Variants in CPXM2 observed in about 807,000 individuals in gnomAD.
The protein encoded by CPXM2 is carboxypeptidase X, M14 family member 2, also known as inactive carboxypeptidase-like protein X2.
CPXM2 carries 66 observed loss-of-function variants against 86.1 expected under a neutral mutation model. The observed-to-expected ratio is 0.77, with a 90% CI of 0.63 to 0.94. The LOEUF is 0.94. Among genes scored for constraint, CPXM2 ranks in the 40% least tolerant of loss-of-function variants. The pLI is 0.00. For synonymous variants in CPXM2, 388 were observed against 400.2 expected (o/e 0.97, Z 0.36); for missense variants, 948 against 1,026.3 (o/e 0.92, Z 1.04).
In CPXM2 at chr10:123,854,374, A is replaced by AATATATATATTATATAAAAAT. The variant is rs1491247178; in HGVS notation, c.513+8239_513+8240insATTTTTATATAATATATATAT. 3.6e-3 allele frequency among the ~76,000 whole-genome samples: 303 copies of AATATATATATTATATAAAAAT among 83,074 alleles called. 4 individuals are homozygous for AATATATATATTATATAAAAAT. The Middle Eastern group carries it at 0.039, about 11-fold the overall frequency. The allele number at this position is 83,074 out of a possible 152,430, so 54.5% of individuals were successfully genotyped here. A position where few individuals can be genotyped will look rare whatever the true frequency, so the allele number is the denominator to read the frequency against. Reference sequence around the variant, plus strand: ...TATATATATAAAAATATATATATATAATATATATATAATATATATATTATA... The same window carrying AATATATATATTATATAAAAAT: ...TATATATATAAAAATATATATATATAATATATATATTATATAAAAATATATATATATAATATATATATTATA... On this transcript the variant is annotated intron_variant, in intron 3 of 13. Coordinates refer to ENST00000241305, the MANE Select transcript of CPXM2 (RefSeq NM_198148.3).
intron 2 of CPXM2, among the ~76,000 whole-genome samples, chr10:123,868,828 C>T (rs1241426048): frequency 1.3e-5 from 2 of 152,150 alleles, no homozygotes; most frequent in East Asian, 3.9e-4. Flanking sequence ...TGGCACTTCC[C>T]GCAAATAAGC....
intron 3 of CPXM2, among the ~76,000 whole-genome samples, chr10:123,862,178 A>C (rs1342723302): frequency 6.6e-6 from 1 of 152,170 alleles, no homozygotes; most frequent in Non-Finnish European, 1.5e-5. Flanking sequence ...AACACAATGG[A>C]GGGAGCCACA....
At chr10:123,855,587 G>A (rs554680718) in intron 3 of CPXM2, among the ~76,000 whole-genome samples, 49 of 152,254 alleles carry the variant, frequency 3.2e-4, no homozygotes, top group African/African-American at 1.1e-3. Context: ...GGGGCCAAAA[G>A]GTACAGGGAG....
chr10:123,935,676 T>C (rs1945709083), intron 2 of CPXM2, among the ~76,000 whole-genome samples: 1 of 151,950 alleles, frequency 6.6e-6, no homozygotes, highest in African/African-American at 2.4e-5. Flanking sequence ...GGAAGAAAAA[T>C]AGCCCAGACA....
intron 11 of CPXM2, among the ~76,000 whole-genome samples, chr10:123,759,271 T>G (rs1417205648): frequency 6.6e-6 from 1 of 152,212 alleles, no homozygotes; most frequent in African/African-American, 2.4e-5. Context: ...AGCACAGGTT[T>G]CAGCTTTCCG....
At chr10:123,874,500 C>T (rs79493462) in intron 2 of CPXM2, among the ~76,000 whole-genome samples, 6,150 of 152,246 alleles carry the variant, frequency 0.04, 171 homozygotes, top group East Asian at 0.11. Context: ...GCTTTCATAG[C>T]CAAATGTTTA....
intron 1 of CPXM2, among the ~76,000 whole-genome samples, chr10:123,890,763 C>T (rs1195306494): frequency 2.0e-5 from 3 of 152,164 alleles, no homozygotes; most frequent in East Asian, 1.9e-4. Context: ...CAGGGAGCCC[C>T]CAAGCCGGAG....
intron 2 of CPXM2, among the ~76,000 whole-genome samples, chr10:123,911,578 A>G (rs1564820726): frequency 1.3e-5 from 2 of 151,878 alleles, no homozygotes; most frequent in African/African-American, 4.8e-5. Context: ...TGAAGAGGCC[A>G]TGAACGGAAA....
chr10:123,891,575 C>G lies in CPXM2; in HGVS notation c.85G>C (p.Ala29Pro). 6.5e-7 allele frequency: 1 copy of G among 1,542,082 alleles called. No homozygotes were observed. Among genetic ancestry groups the G allele is most frequent in the Non-Finnish European group, 8.8e-7 (1 of 1,142,794 alleles). ...TLAGVGAQGA[A>P]LEDPDYYGQE... ...CCGTAATAATCAGGGTCCTCGAGGGCTGCGCCCTGGGCTCCGACCCCGGCC... is the reference window on the plus strand; with the variant it reads ...CCGTAATAATCAGGGTCCTCGAGGGGTGCGCCCTGGGCTCCGACCCCGGCC... The change falls in exon 1 of 14, where the codon GCC becomes CCC. Residue 29 changes from alanine (A) to proline (P), a missense_variant. Transcript: ENST00000241305. This position sits in a 1 kb window ranked among gnomAD's most constrained non-coding sequence, Gnocchi z 5.6.
intron 2 of CPXM2, among the ~76,000 whole-genome samples, chr10:123,937,409 T>C (rs1945730677): frequency 6.6e-6 from 1 of 150,850 alleles, no homozygotes; most frequent in Non-Finnish European, 1.5e-5. Flanking sequence ...CCACCCCAAA[T>C]GTCCATCAGC....
chr10:123,904,912 A>ATCTGCATCCTGGGACCTCCCCTC (rs1184917723), intron 2 of CPXM2, among the ~76,000 whole-genome samples: 1 of 131,660 alleles, frequency 7.6e-6, no homozygotes, highest in African/African-American at 3.1e-5. Context: ...GCTCTGCATC[A>ATCTGCATCCTGGGACCTCCCCTC]CACCTGCATC....
Position 123,754,605 on chromosome 10 carries a change from A to T in CPXM2, c.2017+58T>A. 1.1e-6 allele frequency: 1 copy of T among 917,804 alleles called. No homozygotes were observed. The highest frequency in any genetic ancestry group is 1.8e-6 in the Non-Finnish European group (1 of 549,824). 56.9% of individuals were successfully genotyped at this position (917,804 alleles called of 1,614,324 possible). On this transcript the variant is annotated intron_variant, in intron 13 of 13. Coordinates refer to ENST00000241305, the MANE Select transcript of CPXM2 (RefSeq NM_198148.3). The surrounding 1 kb of genome is among the most constrained non-coding windows in gnomAD (Gnocchi z 4.0). The stretch of plus-strand genomic sequence containing the variant: ...ATTTCATGATTGTAACCCAAGTAAA[A>T]TGCCTAAAAAAATGGGTATTTCTTA...
At chr10:123,929,393 C>T (rs545230655) in intron 2 of CPXM2, among the ~76,000 whole-genome samples, 35 of 152,354 alleles carry the variant, frequency 2.3e-4, no homozygotes, top group Admixed American at 4.6e-4. Flanking sequence ...TCCTGGTCAG[C>T]ACCACTGATG....
In CPXM2 at chr10:123,762,042, G is replaced by A. The variant is rs181886504; in HGVS notation, c.1607C>T (p.Thr536Met). ...PYDLVRSPWKTQEHTPTPDDH... is the reference protein window; with the variant it reads ...PYDLVRSPWKMQEHTPTPDDH... ...GTCGGGGGTGGGGGTGTGTTCCTGC[G>A]TCTTCCAGGGGGACCGCACCAGGTC... Residue 536 changes from threonine (T) to methionine (M), a missense_variant, in exon 11 of 14, where the codon ACG becomes ATG. Coordinates refer to ENST00000241305, the MANE Select transcript of CPXM2 (RefSeq NM_198148.3). The A allele has an allele frequency of 6.9e-5, 111 of 1,613,972 alleles. No homozygotes were observed. In the East Asian group the frequency reaches 1.3e-3, roughly 18 times the overall value.
intron 4 of CPXM2, among the ~76,000 whole-genome samples, chr10:123,814,917 C>T (rs1847782233): frequency 2.0e-5 from 3 of 152,094 alleles, no homozygotes; most frequent in South Asian, 4.1e-4. Context: ...CCCAGCTACT[C>T]GGCAGGTTGA....
intron 2 of CPXM2, among the ~76,000 whole-genome samples, chr10:123,877,718 GA>G (rs979796694): frequency 3.1e-4 from 47 of 152,340 alleles, no homozygotes; most frequent in African/African-American, 1.0e-3. Flanking sequence ...GAGAAGAGGT[GA>G]AGAATTAGAA....
chr10:123,907,069 A>G (rs764868755), intron 2 of CPXM2, among the ~76,000 whole-genome samples: 5 of 152,228 alleles, frequency 3.3e-5, no homozygotes, highest in Non-Finnish European at 7.3e-5. Context: ...CTTAGGAAAC[A>G]CGAAGCACGG....
intron 2 of CPXM2, among the ~76,000 whole-genome samples, chr10:123,911,073 T>C (rs1202737365): frequency 6.6e-6 from 1 of 152,216 alleles, no homozygotes; most frequent in Non-Finnish European, 1.5e-5. Flanking sequence ...AAGGACCTCA[T>C]CTTATCTTGA....
chr10:123,931,965 A>C (rs1484048004), intron 2 of CPXM2, among the ~76,000 whole-genome samples: 1 of 152,234 alleles, frequency 6.6e-6, no homozygotes, highest in East Asian at 1.9e-4. Flanking sequence ...AAAGCAAAGT[A>C]AAAGAAGAAA....
Sources: gnomAD v4.1 joint callset for allele counts (sites outside exome capture counted in the v4.1 genomes callset) on GRCh38, gnomAD v4.1.1 for gene constraint, Gnocchi (gnomAD v3.1) non-coding constraint, MANE v1.5 for transcripts, NCBI Gene and HGNC (gene_info 2026-07-23, HGNC 2026-07-21) for gene names.